CWF19L2: variants seen among roughly 807,000 people sequenced by gnomAD.
CWF19L2 encodes CWF19-like protein 2.
CWF19L2 carries 98 observed loss-of-function variants against 111.7 expected under a neutral mutation model. That is an observed-to-expected ratio of 0.88 (90% CI 0.75 to 1.04). CWF19L2 has a LOEUF of 1.04. Among genes scored for constraint, CWF19L2 ranks in the 50% least tolerant of loss-of-function variants. The pLI is 0.00. For synonymous variants in CWF19L2, 351 were observed against 342.9 expected (o/e 1.02, Z -0.26); for missense variants, 1,101 against 1,051.4 (o/e 1.05, Z -0.65).
At chr11:107,410,884 C>T (rs1416640175) in intron 10 of CWF19L2, among the ~76,000 whole-genome samples, 1 of 152,032 alleles carries the variant, frequency 6.6e-6, no homozygotes, top group Non-Finnish European at 1.5e-5. Context: ...AACAACTGCA[C>T]AGAATAATGG....
chr11:107,332,287 T>C (rs1859861182), intron 16 of CWF19L2, among the ~76,000 whole-genome samples: 1 of 152,220 alleles, frequency 6.6e-6, no homozygotes, highest in African/African-American at 2.4e-5. Flanking sequence ...AAAACAGCCT[T>C]GTGAAAAATG....
intron 6 of CWF19L2, among the ~76,000 whole-genome samples, chr11:107,438,657 AG>A (rs892470122): frequency 4.5e-4 from 68 of 152,334 alleles, no homozygotes; most frequent in African/African-American, 1.6e-3. Flanking sequence ...AATCTTCCAT[AG>A]TACTAATAAT....
intron 16 of CWF19L2, among the ~76,000 whole-genome samples, chr11:107,334,156 C>A (rs1010394614): frequency 6.6e-6 from 1 of 152,180 alleles, no homozygotes; most frequent in Non-Finnish European, 1.5e-5. Flanking sequence ...GCATCTTGAA[C>A]AATGCCTGGT....
At position 107,372,862 on chromosome 11, in the gene CWF19L2, G is replaced by A. The variant is rs1470834119; in HGVS notation, c.1872+17212C>T. On this transcript the variant is annotated intron_variant, in intron 12 of 17. Transcript: ENST00000282251. ...TTTGTGCATTTCCATCTGAGGTACC[G>A]GGTTCATCTCACTAGGGAGTGCCAG... is the stretch of plus-strand genomic sequence containing the variant. 3.8e-5 allele frequency among the ~76,000 whole-genome samples: 5 copies of A among 130,140 alleles called. 1 individual carries two copies. Among genetic ancestry groups the A allele is most frequent in the African/African-American group, 1.3e-4 (4 of 30,962 alleles). 85.4% of individuals were successfully genotyped at this position (130,140 alleles called of 152,430 possible).
chr11:107,446,635 C>T (rs1007038776), intron 3 of CWF19L2, among the ~76,000 whole-genome samples: 1 of 152,022 alleles, frequency 6.6e-6, no homozygotes, highest in Non-Finnish European at 1.5e-5. Context: ...AATGAGTTCC[C>T]CAAAGGTTTA....
At chr11:107,352,087 T>C (rs1028616243) in intron 13 of CWF19L2, among the ~76,000 whole-genome samples, 2 of 152,222 alleles carry the variant, frequency 1.3e-5, no homozygotes, top group African/African-American at 2.4e-5. Context: ...TAGTACCCAC[T>C]TAAGACAGCT....
Position 107,441,535 on chromosome 11 carries a change from T to C in CWF19L2, c.538A>G (p.Ile180Val). The change falls in exon 5 of 18, where the codon ATA becomes GTA. Residue 180 changes from isoleucine to valine, a missense_variant. By Grantham distance (29) the Ile-to-Val change is conservative. Coordinates refer to ENST00000282251, the MANE Select transcript of CWF19L2 (RefSeq NM_152434.3). Reference sequence around the variant, plus strand: ...AGCGCTTGGTTTTTCTCTTGCTCTATTTTCCTCATAGTTTCCTTTTCAGCT... The same window carrying C: ...AGCGCTTGGTTTTTCTCTTGCTCTACTTTCCTCATAGTTTCCTTTTCAGCT... ...LKAEKETMRKIEQEKNQALEQ... is the reference protein window; with the variant it reads ...LKAEKETMRKVEQEKNQALEQ... 2.6e-6 allele frequency: 4 copies of C among 1,548,660 alleles called. No individual in the cohort carries two copies. Among genetic ancestry groups the C allele is most frequent in the Non-Finnish European group, 3.5e-6 (4 of 1,146,170 alleles).
chr11:107,444,372 T>G (rs947203155), intron 3 of CWF19L2, among the ~76,000 whole-genome samples: 94 of 152,170 alleles, frequency 6.2e-4, no homozygotes, highest in African/African-American at 2.1e-3. Context: ...TCTCTAGACC[T>G]CTCTGCTTAA....
chr11:107,383,123 C>T (rs901824772), intron 12 of CWF19L2, among the ~76,000 whole-genome samples: 8 of 152,222 alleles, frequency 5.3e-5, no homozygotes, highest in South Asian at 2.1e-4. Flanking sequence ...TTAAGTGTTT[C>T]CCTGAATTCT....
chr11:107,433,904 A>G (rs1351701678), intron 6 of CWF19L2, among the ~76,000 whole-genome samples, 155 bp from the exon 7 acceptor site: 2 of 137,878 alleles, frequency 1.5e-5, no homozygotes, highest in African/African-American at 5.9e-5. Flanking sequence ...ATATATATAT[A>G]TATATATATA....
At chr11:107,346,113 T>C (rs1860076268) in intron 14 of CWF19L2, among the ~76,000 whole-genome samples, 1 of 152,112 alleles carries the variant, frequency 6.6e-6, no homozygotes, top group Non-Finnish European at 1.5e-5. Flanking sequence ...ATCACCACAG[T>C]ATGAAAAAAT....
intron 12 of CWF19L2, among the ~76,000 whole-genome samples, chr11:107,362,400 A>C (rs1222032869): frequency 2.6e-5 from 4 of 151,936 alleles, no homozygotes; most frequent in East Asian, 2.0e-4. Context: ...GACAGCAGTA[A>C]CCTCTGCAGA....
chr11:107,388,925 T>C (rs1860809762), intron 12 of CWF19L2, among the ~76,000 whole-genome samples: 1 of 152,152 alleles, frequency 6.6e-6, no homozygotes. Context: ...GGGCTAAATA[T>C]AAGATCTCAT....
chr11:107,327,089 G>A (rs1859773086), intron 17 of CWF19L2, 36 bp from the exon 18 acceptor site: 2 of 1,512,248 alleles, frequency 1.3e-6, no homozygotes, highest in Non-Finnish European at 1.8e-6. Context: ...ACACAAGCAT[G>A]TATAAATAAT....
At chr11:107,332,931 C>G (rs538550644) in intron 16 of CWF19L2, among the ~76,000 whole-genome samples, 2 of 151,998 alleles carry the variant, frequency 1.3e-5, no homozygotes, top group Non-Finnish European at 2.9e-5. Flanking sequence ...ACCAGCCTGA[C>G]CAACATGGTG....
At chr11:107,451,484 A>G (rs1861777596) in intron 3 of CWF19L2, among the ~76,000 whole-genome samples, 1 of 151,322 alleles carries the variant, frequency 6.6e-6, no homozygotes, top group Non-Finnish European at 1.5e-5. Flanking sequence ...ACACAACCAG[A>G]GAAAATTCAA....
chr11:107,349,759 A>G (rs1195192347), intron 13 of CWF19L2, among the ~76,000 whole-genome samples: 3 of 152,196 alleles, frequency 2.0e-5, no homozygotes, highest in African/African-American at 7.2e-5. Flanking sequence ...TTTATTTAAT[A>G]GAATAACTCA....
At chr11:107,400,467 G>C (rs1860984614) in intron 10 of CWF19L2, among the ~76,000 whole-genome samples, 1 of 152,052 alleles carries the variant, frequency 6.6e-6, no homozygotes, top group African/African-American at 2.4e-5. Context: ...AAACCTAGAA[G>C]AGATGGATAA....
At chr11:107,431,930 T>C (rs900877409) in intron 7 of CWF19L2, among the ~76,000 whole-genome samples, 5 of 152,162 alleles carry the variant, frequency 3.3e-5, no homozygotes, top group African/African-American at 4.8e-5. Flanking sequence ...TTTCATACCA[T>C]GCACAAATAT....
Sources: gnomAD v4.1 joint callset for allele counts (sites outside exome capture counted in the v4.1 genomes callset) on GRCh38, gnomAD v4.1.1 for gene constraint, MANE v1.5 for transcripts, NCBI Gene and HGNC (gene_info 2026-07-23, HGNC 2026-07-21) for gene names.